ADAMTS17: variants seen among roughly 807,000 people sequenced by gnomAD.
ADAMTS17 encodes A disintegrin and metalloproteinase with thrombospondin motifs 17.
In ADAMTS17, 113 loss-of-function variants were observed where a neutral mutation model predicts 141.5. The ratio of observed to expected loss-of-function variants is 0.80; its 90% confidence interval spans 0.69 to 0.93. The LOEUF (loss-of-function observed/expected upper bound fraction) is 0.93, where lower values mean the gene tolerates loss of function less well. Ranked by LOEUF, ADAMTS17 falls within the 40% of genes least tolerant of loss-of-function variation. The pLI is 0.00. For synonymous variants in ADAMTS17, 768 were observed against 630.6 expected (o/e 1.22, Z -3.27); for missense variants, 1,659 against 1,517.9 (o/e 1.09, Z -1.54).
At chr15:100,185,933 G>A (rs552981330) in intron 8 of ADAMTS17, among the ~76,000 whole-genome samples, 62 of 152,260 alleles carry the variant, frequency 4.1e-4, no homozygotes, top group African/African-American at 1.3e-3. Context: ...CGAAGATGAG[G>A]CTGGTGTTAA....
intron 3 of ADAMTS17, among the ~76,000 whole-genome samples, chr15:100,298,722 G>A (rs2141798861): frequency 6.6e-6 from 1 of 152,318 alleles, no homozygotes; most frequent in South Asian, 2.1e-4. Context: ...GCTGAGTCTA[G>A]TCCAGTAAAA....
At chr15:100,111,360 G>C (rs2036769450) in intron 13 of ADAMTS17, among the ~76,000 whole-genome samples, 1 of 152,252 alleles carries the variant, frequency 6.6e-6, no homozygotes. Context: ...TGGCAGGCTA[G>C]GGGCAGCTGT....
chr15:100,294,676 C>T (rs894071686), intron 3 of ADAMTS17, among the ~76,000 whole-genome samples: 5 of 152,174 alleles, frequency 3.3e-5, no homozygotes, highest in African/African-American at 1.2e-4. Context: ...CACTGCACTC[C>T]AGCATGGGCG....
chr15:100,027,534 TAC>T (rs2061538591), intron 18 of ADAMTS17, among the ~76,000 whole-genome samples: 1 of 152,264 alleles, frequency 6.6e-6, no homozygotes, highest in South Asian at 2.1e-4. Context: ...TCTTGGTGAA[TAC>T]AGTTTTATTA....
At chr15:100,144,864 T>C (rs1185345938) in intron 10 of ADAMTS17, among the ~76,000 whole-genome samples, 1 of 151,466 alleles carries the variant, frequency 6.6e-6, no homozygotes. Flanking sequence ...AGGCAAGCTA[T>C]TTTCCTTCAG....
intron 6 of ADAMTS17, among the ~76,000 whole-genome samples, chr15:100,254,681 C>G (rs2043265506): frequency 6.6e-6 from 1 of 152,186 alleles, no homozygotes; most frequent in South Asian, 2.1e-4. Flanking sequence ...GGAATGAGAT[C>G]ATGTTCTTTG....
Position 100,132,487 on chromosome 15 carries a change from C to A in ADAMTS17, c.1576-335G>T, listed in dbSNP as rs541980001. 3.3e-5 allele frequency among the ~76,000 whole-genome samples: 5 copies of A among 152,294 alleles called. No individual in the cohort carries two copies. In the South Asian group the frequency reaches 1.0e-3, roughly 32 times the overall value. Reference sequence around the variant, plus strand: ...CTTTGTTTGACGTGAGTGCGTTTCTCGCTGGGAGGCGGCATGCCCCGGTTG... The same window carrying A: ...CTTTGTTTGACGTGAGTGCGTTTCTAGCTGGGAGGCGGCATGCCCCGGTTG... On this transcript the variant is annotated intron_variant, in intron 11 of 21. Transcript: ENST00000268070.
intron 7 of ADAMTS17, among the ~76,000 whole-genome samples, chr15:100,239,738 G>T (rs1434781000): frequency 1.3e-5 from 2 of 152,180 alleles, no homozygotes; most frequent in Non-Finnish European, 2.9e-5. Context: ...GAAGGGACAT[G>T]GTGTGGCCAG....
intron 3 of ADAMTS17, chr15:100,306,040 GTCCAAAGC>G (rs2045212113): frequency 6.2e-6 from 1 of 160,480 alleles, no homozygotes; most frequent in African/African-American, 2.4e-5. Context: ...GCACACCAAT[GTCCAAAGC>G]TGGGCTGAAG....
chr15:99,985,889 C>A (rs995452005), intron 20 of ADAMTS17, among the ~76,000 whole-genome samples: 1 of 152,360 alleles, frequency 6.6e-6, no homozygotes, highest in Non-Finnish European at 1.5e-5. Context: ...TCTACCTGCA[C>A]CCACCCCCAG....
At chr15:100,316,660 T>A (rs1596508007) in intron 3 of ADAMTS17, among the ~76,000 whole-genome samples, 2 of 152,278 alleles carry the variant, frequency 1.3e-5, no homozygotes, top group East Asian at 3.9e-4. Flanking sequence ...TCTATGGAAG[T>A]TTTCCATAGA....
intron 4 of ADAMTS17, among the ~76,000 whole-genome samples, chr15:100,278,190 TG>T (rs2142065480): frequency 6.6e-6 from 1 of 152,274 alleles, no homozygotes. Flanking sequence ...GTTTCCATTT[TG>T]TGGACAGTGA....
At chr15:100,021,211 C>T (rs912697629) in intron 18 of ADAMTS17, among the ~76,000 whole-genome samples, 3 of 152,220 alleles carry the variant, frequency 2.0e-5, no homozygotes, top group Admixed American at 2.0e-4. Flanking sequence ...CCCACCAGGC[C>T]TGTGGTTCTG....
At chr15:100,259,935 C>A (rs2043457913) in intron 6 of ADAMTS17, among the ~76,000 whole-genome samples, 1 of 152,170 alleles carries the variant, frequency 6.6e-6, no homozygotes, top group Non-Finnish European at 1.5e-5. Context: ...ACCTCTGCCT[C>A]CCCGGTTCAA....
In ADAMTS17 at chr15:100,339,574, CCGCCCCAGG is replaced by C. The variant is rs1236472714; in HGVS notation, c.450+1456_450+1464del. ...CCTCCTTGCCTACAACCCACATTCC[CCGCCCCAGG>C]TCCACATTCCCCGCCCCAGGTCCAC... is the stretch of plus-strand genomic sequence containing the variant. On this transcript the variant is annotated intron_variant, in intron 2 of 21. Coordinates refer to ENST00000268070, the MANE Select transcript of ADAMTS17 (RefSeq NM_139057.4). 5.0e-3 allele frequency among the ~76,000 whole-genome samples: 571 copies of C among 114,242 alleles called. 5 individuals are homozygous for C. Among genetic ancestry groups the C allele is most frequent in the Non-Finnish European group, 7.4e-3 (410 of 55,146 alleles). The allele number at this position is 114,242 out of a possible 152,430, so 74.9% of individuals were successfully genotyped here.
At chr15:99,976,576 T>C in intron 20 of ADAMTS17, 1 of 420,636 alleles carries the variant, frequency 2.4e-6, no homozygotes, top group Non-Finnish European at 4.5e-6. Flanking sequence ...AAAATGCAGA[T>C]GTTGGAGCCG....
At position 100,293,334 on chromosome 15, in the gene ADAMTS17, T is replaced by A. The variant is rs149735376; in HGVS notation, c.617-11933A>T. Among the ~76,000 whole-genome samples the A allele has an allele frequency of 1.3e-3, 191 of 152,352 alleles. 1 individual carries two copies. Among genetic ancestry groups the A allele is most frequent in the African/African-American group, 4.3e-3 (179 of 41,586 alleles). ...CTGGTCGGCAGGTGGTCCTGTTTTTTACTGGGTGGCATGACCTAGGAAGGG... is the reference window on the plus strand; with the variant it reads ...CTGGTCGGCAGGTGGTCCTGTTTTTAACTGGGTGGCATGACCTAGGAAGGG... On this transcript the variant is annotated intron_variant, in intron 3 of 21. Transcript: ENST00000268070.
intron 8 of ADAMTS17, among the ~76,000 whole-genome samples, chr15:100,157,829 A>C (rs2039505778): frequency 6.6e-6 from 1 of 152,070 alleles, no homozygotes; most frequent in South Asian, 2.1e-4. Flanking sequence ...ATTAGGGTTA[A>C]AGGAAGACTG....
intron 8 of ADAMTS17, among the ~76,000 whole-genome samples, chr15:100,185,384 C>A (rs974973624): frequency 3.9e-5 from 6 of 152,214 alleles, no homozygotes; most frequent in African/African-American, 1.4e-4. Context: ...CCTGTGAACC[C>A]ACAGTGTGCA....
Sources: gnomAD v4.1 joint callset for allele counts (sites outside exome capture counted in the v4.1 genomes callset) on GRCh38, gnomAD v4.1.1 for gene constraint, MANE v1.5 for transcripts, NCBI Gene and HGNC (gene_info 2026-07-23, HGNC 2026-07-21) for gene names.